The following MEPCE variants were observed in gnomAD, a reference collection of about 807,000 sequenced individuals.
MEPCE encodes the protein 7SK snRNA methylphosphate capping enzyme.
Under a neutral mutation model 52.3 loss-of-function variants are expected in MEPCE, and 9 were observed. That is an observed-to-expected ratio of 0.17 (90% CI 0.10 to 0.30). The LOEUF (loss-of-function observed/expected upper bound fraction) is 0.30, where lower values mean the gene tolerates loss of function less well. Among genes scored for constraint, MEPCE ranks in the 10% least tolerant of loss-of-function variants. MEPCE has a pLI of 1.00. For synonymous variants in MEPCE, 477 were observed against 401.6 expected (o/e 1.19, Z -2.25); for missense variants, 826 against 933.0 (o/e 0.89, Z 1.49).
At position 100,434,006 on chromosome 7, in the gene MEPCE, G is replaced by T. The variant is rs1798801498; in HGVS notation, c.*452G>T. The T allele has an allele frequency of 5.9e-6, 1 of 170,498 alleles. No homozygotes were observed. Among genetic ancestry groups the T allele is most frequent in the Non-Finnish European group, 1.3e-5 (1 of 78,714 alleles). 10.6% of individuals were successfully genotyped at this position (170,498 alleles called of 1,614,324 possible). On this transcript the variant is annotated 3_prime_UTR_variant, in exon 4 of 4. Coordinates refer to ENST00000310512, the MANE Select transcript of MEPCE (RefSeq NM_019606.6). ...TTAGACGGGGAAGACTGGCAGGGAG[G>T]CACGCAGGTACTGTGAAAATCCTTC...
In MEPCE at chr7:100,430,076, C is replaced by T. The variant is rs991391792; in HGVS notation, c.58C>T (p.Leu20Phe). 2.4e-6 allele frequency: 3 copies of T among 1,267,270 alleles called. No homozygotes were observed. The highest frequency in any genetic ancestry group is 3.0e-6 in the Non-Finnish European group (3 of 1,006,708). The allele number at this position is 1,267,270 out of a possible 1,614,324, so 78.5% of individuals were successfully genotyped here. A position where few individuals can be genotyped will look rare whatever the true frequency, so the allele number is the denominator to read the frequency against. ...PFLVPAPPPP[L>F]KDESGGGGGP... ...TCTGGTGCCGGCCCCGCCGCCGCCG[C>T]TCAAAGATGAGTCGGGCGGAGGGGG... Residue 20 changes from leucine (L) to phenylalanine (F), a missense_variant, in exon 1 of 4, where the codon CTC becomes TTC. Transcript: ENST00000310512.
Position 100,430,798 on chromosome 7 carries a change from G to A in MEPCE, c.780G>A (p.Arg260=). The A allele has an allele frequency of 6.2e-7, 1 of 1,613,598 alleles. No homozygotes were observed. Among genetic ancestry groups the A allele is most frequent in the Non-Finnish European group, 8.5e-7 (1 of 1,179,804 alleles). ...VVLASPLKTG[R]KRHRHRGQHH... ...TTGCTTCGCCACTCAAGACTGGTCG[G>A]AAGCGGCATAGACACCGGGGACAGC... Residue 260 remains arginine, a synonymous_variant, in exon 1 of 4, where the codon CGG becomes CGA. Transcript: ENST00000310512.
Position 100,430,188 on chromosome 7 carries a change from C to T in MEPCE, c.170C>T (p.Ser57Phe), listed in dbSNP as rs1208140127. Residue 57 changes from serine (S) to phenylalanine (F), a missense_variant, in exon 1 of 4, where the codon TCT becomes TTT. By Grantham distance (155) the Ser-to-Phe change is radical. Coordinates refer to ENST00000310512, the MANE Select transcript of MEPCE (RefSeq NM_019606.6). Reference protein sequence around the residue: ...TERGPGRCAPSAGSPAAAVGR... With the variant: ...TERGPGRCAPFAGSPAAAVGR... ...CGTGGTCCGGGTCGTTGCGCGCCAT[C>T]TGCGGGGTCCCCAGCCGCTGCGGTC... The T allele has an allele frequency of 3.8e-6, 5 of 1,298,872 alleles. No homozygotes were observed. The highest frequency in any genetic ancestry group is 4.9e-6 in the Non-Finnish European group (5 of 1,026,060). The allele number at this position is 1,298,872 out of a possible 1,614,324, so 80.5% of individuals were successfully genotyped here. A position where few individuals can be genotyped will look rare whatever the true frequency, so the allele number is the denominator to read the frequency against.
At position 100,429,856 on chromosome 7, in the gene MEPCE, T is replaced by TA; in HGVS notation, c.-162dup. ...CTCTTGTTTTGGTCTCGCGGGCTAG[T>TA]AGGGCGCACTTGGCGGGGAGGCGCT... On this transcript the variant is annotated 5_prime_UTR_variant, in exon 1 of 4. Coordinates refer to ENST00000310512, the MANE Select transcript of MEPCE (RefSeq NM_019606.6). The TA allele has an allele frequency of 1.9e-6, 1 of 516,798 alleles. No homozygotes were observed. The highest frequency in any genetic ancestry group is 3.0e-6 in the Non-Finnish European group (1 of 336,514). 32.0% of individuals were successfully genotyped at this position (516,798 alleles called of 1,614,324 possible).
rs545916314 is a variant in MEPCE, at chr7:100,431,839, T to C, written c.1671+150T>C. The C allele has an allele frequency of 1.2e-3, 890 of 743,952 alleles. 2 individuals carry two copies. Among genetic ancestry groups the C allele is most frequent in the Non-Finnish European group, 1.7e-3 (774 of 469,016 alleles). 46.1% of individuals were successfully genotyped at this position (743,952 alleles called of 1,614,324 possible). A position where few individuals can be genotyped will look rare whatever the true frequency, so the allele number is the denominator to read the frequency against. On this transcript the variant is annotated intron_variant, in intron 1 of 3. Coordinates refer to ENST00000310512, the MANE Select transcript of MEPCE (RefSeq NM_019606.6). ...TCTGCTGGGCGTCTCTCCCCTCTTA[T>C]AACCTGGAAAGGTGGGGTGTCTACC...
upstream of MEPCE, chr7:100,429,652 A>C: frequency 5.1e-6 from 1 of 194,920 alleles, no homozygotes; most frequent in East Asian, 1.1e-4. Context: ...CAGAGCCGTT[A>C]AGTTGGTTCG....
rs759578549 is a variant in MEPCE, at chr7:100,433,268, G to A, written c.1896G>A (p.Thr632=). 59 of 1,614,034 alleles carry A rather than the reference G, an allele frequency of 3.7e-5. No individual in the cohort carries two copies. Among genetic ancestry groups the A allele is most frequent in the Admixed American group, 2.0e-4 (12 of 60,014 alleles). The change falls in exon 3 of 4, where the codon ACG becomes ACA. Residue 632 remains threonine, a synonymous_variant. Coordinates refer to ENST00000310512, the MANE Select transcript of MEPCE (RefSeq NM_019606.6). ...TCCCTTGCCTCTCTCCTTAGGAAAC[G>A]ATCTACAAGAACTACTACCGAATCC... ...SYGKRKTLTE[T]IYKNYYRIQL...
In MEPCE at chr7:100,430,177, T is replaced by C. The variant is rs368686512; in HGVS notation, c.159T>C (p.Arg53=). 3.3e-4 allele frequency: 424 copies of C among 1,294,758 alleles called. 23 individuals carry two copies. Among genetic ancestry groups the C allele is most frequent in the East Asian group, 2.9e-3 (92 of 32,028 alleles). The allele number at this position is 1,294,758 out of a possible 1,614,324, so 80.2% of individuals were successfully genotyped here. Residue 53 remains arginine (R), a synonymous_variant, in exon 1 of 4, where the codon CGT becomes CGC. Coordinates refer to ENST00000310512, the MANE Select transcript of MEPCE (RefSeq NM_019606.6). ...GCGGGACGGAGCGTGGTCCGGGTCGTTGCGCGCCATCTGCGGGGTCCCCAG... is the reference window on the plus strand; with the variant it reads ...GCGGGACGGAGCGTGGTCCGGGTCGCTGCGCGCCATCTGCGGGGTCCCCAG... ...LRGGTERGPG[R]CAPSAGSPAA...
Position 100,429,976 on chromosome 7 carries a change from G to C in MEPCE, c.-43G>C. 8.1e-7 allele frequency: 1 copy of C among 1,228,180 alleles called. No individual in the cohort carries two copies. 76.1% of individuals were successfully genotyped at this position (1,228,180 alleles called of 1,614,324 possible). A position where few individuals can be genotyped will look rare whatever the true frequency, so the allele number is the denominator to read the frequency against. On this transcript the variant is annotated 5_prime_UTR_variant, in exon 1 of 4. Coordinates refer to ENST00000310512, the MANE Select transcript of MEPCE (RefSeq NM_019606.6). The stretch of plus-strand genomic sequence containing the variant: ...CCAGGCAGGGGGGGTTAGGCCCCCT[G>C]ATCCCCCTCGTTACCCCGACTGGCA...
intron 1 of MEPCE, among the ~76,000 whole-genome samples, chr7:100,432,448 C>T (rs1798746741): frequency 6.6e-6 from 1 of 152,146 alleles, no homozygotes; most frequent in African/African-American, 2.4e-5. Flanking sequence ...AAAAGGCTTC[C>T]TAAAGGATGT....
At chr7:100,429,626 G>T (rs759382560), upstream of MEPCE, 173 of 174,700 alleles carry the variant, frequency 9.9e-4, 1 homozygote, top group Middle Eastern at 2.3e-3. Context: ...CTGTGGGGGG[G>T]TTATATTTAA....
intron 1 of MEPCE, among the ~76,000 whole-genome samples, chr7:100,432,286 GGA>G (rs756748908): frequency 1.1e-4 from 17 of 152,184 alleles, no homozygotes; most frequent in African/African-American, 3.9e-4. Flanking sequence ...TCTGCAGAGA[GGA>G]GAGAGTCCTG....
At position 100,433,336 on chromosome 7, in the gene MEPCE, A is replaced by C. The variant is rs1798776934; in HGVS notation, c.1964A>C (p.Asp655Ala). Residue 655 changes from aspartate (D) to alanine (A), a missense_variant, in exon 3 of 4, where the codon GAC (aspartate) becomes GCC (alanine). Transcript: ENST00000310512. ...EQFSSYLTSP[D>A]VGFSSYELVA... is the part of the protein sequence containing the mutation. ...TTCAGTTCCTACCTGACATCCCCAG[A>C]CGTGGGCTTCTCCAGCTATGAGCTT... 3 of 1,614,074 alleles carry C rather than the reference A, an allele frequency of 1.9e-6. No homozygotes were observed. The highest frequency in any genetic ancestry group is 2.5e-6 in the Non-Finnish European group (3 of 1,180,046).
upstream of MEPCE, chr7:100,429,747 G>A (rs1490940979): frequency 2.8e-5 from 10 of 354,540 alleles, no homozygotes; most frequent in African/African-American, 1.9e-4. Context: ...CACCGTGCGC[G>A]CTCGCGGCCG....
chr7:100,432,316 T>G (rs1798742339), intron 1 of MEPCE, among the ~76,000 whole-genome samples: 1 of 152,172 alleles, frequency 6.6e-6, no homozygotes, highest in Admixed American at 6.5e-5. Flanking sequence ...CAGAGTCCCC[T>G]GACTGCACAC....
chr7:100,429,818 GGGTCTCGCGGGCCTCTTGTTTT>G (rs1212295092), exon 1 of MEPCE: 10 of 416,684 alleles, frequency 2.4e-5, no homozygotes, highest in Middle Eastern at 1.2e-3. Context: ...CGAGTAGTTC[GGGTCTCGCGGGCCTCTTGTTTT>G]GGTCTCGCGG....
rs1370532295 is a variant in MEPCE at position 100,432,969 on chromosome 7, G to C, written c.1722G>C (p.Glu574Asp). The C allele has an allele frequency of 1.9e-6, 3 of 1,613,940 alleles. No homozygotes were observed. Among genetic ancestry groups the C allele is most frequent in the Admixed American group, 3.3e-5 (2 of 59,998 alleles). ...ACCTGGTGGAGGCCCAAACACCTGA[G>C]TATGATGTGGTGCTCTGCCTCAGCC... ...RDDLVEAQTP[E>D]YDVVLCLSLT... Residue 574 changes from glutamate (E) to aspartate (D), a missense_variant, in exon 2 of 4, where the codon GAG becomes GAC. By Grantham distance (45) the Glu-to-Asp change is conservative (BLOSUM62 2). Coordinates refer to ENST00000310512, the MANE Select transcript of MEPCE (RefSeq NM_019606.6).
Position 100,431,455 on chromosome 7 carries a change from C to T in MEPCE, c.1437C>T (p.Leu479=), listed in dbSNP as rs1313678187. The T allele has an allele frequency of 1.2e-6, 2 of 1,613,734 alleles. No individual in the cohort carries two copies. Among genetic ancestry groups the T allele is most frequent in the Admixed American group, 1.7e-5 (1 of 60,002 alleles). The stretch of plus-strand genomic sequence containing the variant: ...TGGGCCTGGATATCGATTCCCGGCT[C>T]ATCCATTCTGCCCGCCAAAACATCC... ...RMVGLDIDSR[L]IHSARQNIRH... Residue 479 remains leucine, a synonymous_variant, in exon 1 of 4, where the codon CTC becomes CTT. Coordinates refer to ENST00000310512, the MANE Select transcript of MEPCE (RefSeq NM_019606.6).
chr7:100,432,402 G>A (rs1490655333), intron 1 of MEPCE, among the ~76,000 whole-genome samples: 1 of 152,164 alleles, frequency 6.6e-6, no homozygotes, highest in Non-Finnish European at 1.5e-5. Context: ...CTGAAGAATG[G>A]TCTTTTTAGA....
Sources: allele counts gnomAD v4.1 joint callset (sites outside exome capture counted in the v4.1 genomes callset), GRCh38; gene constraint gnomAD v4.1.1; transcripts MANE v1.5; gene names NCBI Gene and HGNC (gene_info 2026-07-23, HGNC 2026-07-21).